FHAD1: variants seen among roughly 807,000 people sequenced by gnomAD.
FHAD1 encodes forkhead-associated domain-containing protein 1.
Under a neutral mutation model 191.3 loss-of-function variants are expected in FHAD1, and 146 were observed. The ratio of observed to expected loss-of-function variants is 0.76; its 90% CI spans 0.67 to 0.88. The LOEUF is 0.88. FHAD1 is among the 40% of genes least tolerant of loss of function. The pLI is 0.00. For synonymous variants in FHAD1, 616 were observed against 672.3 expected (o/e 0.92, Z 1.29); for missense variants, 1,635 against 1,785.8 (o/e 0.92, Z 1.52).
intron 16 of FHAD1, chr1:15,343,836 A>G (rs1182625247): frequency 6.6e-6 from 1 of 152,184 alleles, no homozygotes; most frequent in Non-Finnish European, 1.5e-5. Flanking sequence ...TTCTCTGATT[A>G]CCTTCTCCTT....
chr1:15,348,220 C>T (rs1689612255), intron 18 of FHAD1, among the ~76,000 whole-genome samples: 1 of 152,166 alleles, frequency 6.6e-6, no homozygotes, highest in Non-Finnish European at 1.5e-5. Context: ...ATATCTCAGC[C>T]ATATTCTGGA....
At chr1:15,277,021 C>T (rs1343254573) in intron 3 of FHAD1, among the ~76,000 whole-genome samples, 1 of 152,200 alleles carries the variant, frequency 6.6e-6, no homozygotes, top group Non-Finnish European at 1.5e-5. Context: ...TTGTTTCTGC[C>T]ATTATGATGT....
At chr1:15,387,375 G>A (rs1458184132) in intron 31 of FHAD1, among the ~76,000 whole-genome samples, 1 of 152,162 alleles carries the variant, frequency 6.6e-6, no homozygotes, top group African/African-American at 2.4e-5. Flanking sequence ...GTTTGGGGGT[G>A]GTAACCACGC....
intron 20 of FHAD1, 63 bp from the exon 21 acceptor site, chr1:15,358,047 A>G: frequency 8.3e-7 from 1 of 1,199,230 alleles, no homozygotes. Flanking sequence ...GTGGGGGATA[A>G]GGGGGCTGGG....
chr1:15,402,529 C>T (rs1417551647), downstream of FHAD1, among the ~76,000 whole-genome samples: 2 of 152,112 alleles, frequency 1.3e-5, no homozygotes, highest in Admixed American at 6.6e-5. Context: ...AGCAATGACC[C>T]GCTTCCTGGG....
intron 28 of FHAD1, 58 bp from the exon 29 acceptor site, chr1:15,380,643 G>C (rs1399220858): frequency 7.3e-7 from 1 of 1,369,640 alleles, no homozygotes; most frequent in Non-Finnish European, 1.0e-6. Flanking sequence ...TTAGCTTCCA[G>C]TCATAGAAAG....
intron 4 of FHAD1, among the ~76,000 whole-genome samples, chr1:15,294,645 G>A (rs2148918): frequency 0.16 from 23,946 of 152,086 alleles, 2,023 homozygotes; most frequent in African/African-American, 0.2. Flanking sequence ...TGCCTGCCTC[G>A]GCCTCCCAAA....
At chr1:15,384,451 C>G (rs1701629419) in intron 31 of FHAD1, 1 of 152,402 alleles carries the variant, frequency 6.6e-6, no homozygotes, top group African/African-American at 2.4e-5. Context: ...CAGGGCTTGG[C>G]AGGCCAGGCC....
chr1:15,284,794 C>G (rs1467256885), intron 3 of FHAD1, among the ~76,000 whole-genome samples: 1 of 152,020 alleles, frequency 6.6e-6, no homozygotes, highest in African/African-American at 2.4e-5. Context: ...TGGGTGTGGT[C>G]CAGGTGGTTG....
At chr1:15,344,152 T>G (rs1338722867) in intron 16 of FHAD1, among the ~76,000 whole-genome samples, 2 of 152,228 alleles carry the variant, frequency 1.3e-5, no homozygotes, top group African/African-American at 2.4e-5. Context: ...CTCGGATTGA[T>G]GGACTTGACC....
At position 15,338,626 on chromosome 1, in the gene FHAD1, G is replaced by A. The variant is rs113618915; in HGVS notation, c.1907-855G>A. 1.1e-4 allele frequency among the ~76,000 whole-genome samples: 16 copies of A among 152,136 alleles called. 1 individual carries two copies. Among genetic ancestry groups the A allele is most frequent in the African/African-American group, 1.9e-4 (8 of 41,504 alleles). ...TCGTAGGGGGTCATCATTCAGCCCCGCGCACCCCTGTTCTGAAGCGCCCTC... is the reference window on the plus strand; with the variant it reads ...TCGTAGGGGGTCATCATTCAGCCCCACGCACCCCTGTTCTGAAGCGCCCTC... On this transcript the variant is annotated intron_variant, in intron 14 of 33. Transcript: ENST00000688493.
intron 16 of FHAD1, among the ~76,000 whole-genome samples, chr1:15,342,156 T>G (rs566575637): frequency 6.6e-6 from 1 of 152,332 alleles, no homozygotes; most frequent in East Asian, 1.9e-4. Context: ...GCAGTCGGCT[T>G]TATGAGATCT....
intron 6 of FHAD1, among the ~76,000 whole-genome samples, chr1:15,302,116 G>A (rs916480011): frequency 6.6e-6 from 1 of 152,200 alleles, no homozygotes; most frequent in African/African-American, 2.4e-5. Context: ...TTTGAACTCA[G>A]GTCCGCCTTC....
chr1:15,339,622 A>G (rs1241997043), intron 15 of FHAD1, 71 bp downstream of exon 15: 1 of 625,528 alleles, frequency 1.6e-6, no homozygotes, highest in African/African-American at 2.0e-5. Context: ...AGCACTGTGC[A>G]TTTGAAACCT....
At chr1:15,246,119 C>T (rs1645998369), upstream of FHAD1, among the ~76,000 whole-genome samples, 1 of 152,204 alleles carries the variant, frequency 6.6e-6, no homozygotes, top group South Asian at 2.1e-4. Context: ...AGGAAGCTAG[C>T]ATGTTGTAAC....
chr1:15,370,344 TG>T (rs1267559886), intron 26 of FHAD1, among the ~76,000 whole-genome samples: 1 of 152,198 alleles, frequency 6.6e-6, no homozygotes, highest in Non-Finnish European at 1.5e-5. Flanking sequence ...TTCTGCAACA[TG>T]GGTTTATTTT....
Position 15,328,420 on chromosome 1 carries a change from C to T in FHAD1, c.1701C>T (p.Asp567=), listed in dbSNP as rs1331074437. The change falls in exon 13 of 34, where the codon GAC becomes GAT. Residue 567 remains aspartate (D), a synonymous_variant. Coordinates refer to ENST00000688493, the MANE Select transcript of FHAD1 (RefSeq NM_001391957.1). The stretch of plus-strand genomic sequence containing the variant: ...TCGAGAAGCTGAGGACGTCGCTGGA[C>T]AGCTGCCAGGTGGCCCCTCCTTACG... ...ENIEKLRTSL[D]SCQACMKISC... is the part of the protein sequence containing the mutation. 6.6e-7 allele frequency: 1 copy of T among 1,520,628 alleles called. No homozygotes were observed. The highest frequency in any genetic ancestry group is 8.8e-7 in the Non-Finnish European group (1 of 1,134,286). 94.2% of individuals were successfully genotyped at this position (1,520,628 alleles called of 1,614,324 possible).
At chr1:15,363,103 T>G (rs1207247628) in intron 23 of FHAD1, among the ~76,000 whole-genome samples, 4 of 152,226 alleles carry the variant, frequency 2.6e-5, no homozygotes, top group Non-Finnish European at 4.4e-5. Context: ...CTTACAGTTA[T>G]GGAGACTGAG....
At chr1:15,384,347 T>G (rs1210128604) in intron 31 of FHAD1, 1 of 152,546 alleles carries the variant, frequency 6.6e-6, no homozygotes, top group Non-Finnish European at 1.5e-5. Flanking sequence ...TTTTACGCTG[T>G]GCCATGCCAG....
Sources: gnomAD v4.1 joint callset for allele counts (sites outside exome capture counted in the v4.1 genomes callset) on GRCh38, gnomAD v4.1.1 for gene constraint, MANE v1.5 for transcripts, NCBI Gene and HGNC (gene_info 2026-07-23, HGNC 2026-07-21) for gene names.